Variants in PTPRG observed in about 807,000 individuals in gnomAD.
The protein encoded by PTPRG is protein tyrosine phosphatase receptor type G.
Under a neutral mutation model 165.3 loss-of-function variants are expected in PTPRG, and 102 were observed. The observed-to-expected ratio is 0.62, with a 90% CI of 0.53 to 0.73. PTPRG has a LOEUF of 0.73. Among genes scored for constraint, PTPRG ranks in the 30% least tolerant of loss-of-function variants. PTPRG has a pLI of 0.00. For missense variants in PTPRG, 1,866 were observed against 1,861.4 expected (o/e 1.00, Z -0.05); for synonymous variants, 675 against 669.5 (o/e 1.01, Z -0.13).
rs542770137 is a variant in PTPRG, at chr3:62,085,876, GC to G, written c.615+7621del. On this transcript the variant is annotated intron_variant, in intron 5 of 29. Transcript: ENST00000474889. Reference sequence around the variant, plus strand: ...TGAGGTATCCTCAGAATTGTGTCCTGCCCTCAAAGTAGTTGAGGGACAGTAA... The same window carrying G: ...TGAGGTATCCTCAGAATTGTGTCCTGCCTCAAAGTAGTTGAGGGACAGTAA... Among the ~76,000 whole-genome samples, 331 of 152,284 alleles carry G rather than the reference GC, an allele frequency of 2.2e-3. 1 individual carries two copies. The highest frequency in any genetic ancestry group is 7.5e-3 in the African/African-American group (311 of 41,562).
At chr3:61,674,108 C>T (rs988306408) in intron 1 of PTPRG, among the ~76,000 whole-genome samples, 74 of 151,830 alleles carry the variant, frequency 4.9e-4, no homozygotes, top group Admixed American at 4.9e-3. Flanking sequence ...TGCAGCAAAC[C>T]ACCATGGCAC....
chr3:61,779,430 G>C (rs376218714), intron 2 of PTPRG, among the ~76,000 whole-genome samples: 173 of 152,286 alleles, frequency 1.1e-3, no homozygotes, highest in African/African-American at 3.9e-3. Context: ...GCAGTGTTGG[G>C]AGCTGCAGGC....
intron 2 of PTPRG, among the ~76,000 whole-genome samples, chr3:61,896,071 A>G (rs888902931): frequency 6.6e-6 from 1 of 152,096 alleles, no homozygotes; most frequent in African/African-American, 2.4e-5. Flanking sequence ...TGCATTATGT[A>G]GGTGTGTGCA....
chr3:61,577,830 A>G (rs758423486), intron 1 of PTPRG, among the ~76,000 whole-genome samples: 1 of 152,176 alleles, frequency 6.6e-6, no homozygotes, highest in Admixed American at 6.5e-5. Flanking sequence ...GGCTAAGAGA[A>G]ACTCTTGTAA....
intron 2 of PTPRG, among the ~76,000 whole-genome samples, chr3:61,755,705 T>C (rs2033613020): frequency 2.0e-5 from 3 of 152,110 alleles, no homozygotes. Flanking sequence ...CTGGCAGTGA[T>C]TAGAGAACCA....
chr3:62,066,935 G>T (rs1369378762), intron 4 of PTPRG, among the ~76,000 whole-genome samples: 2 of 151,646 alleles, frequency 1.3e-5, no homozygotes, highest in African/African-American at 4.9e-5. Flanking sequence ...CTACTCAGGA[G>T]GCGGAGGCAG....
chr3:62,016,477 T>A (rs1186333126), intron 4 of PTPRG, among the ~76,000 whole-genome samples: 1 of 152,174 alleles, frequency 6.6e-6, no homozygotes, highest in Non-Finnish European at 1.5e-5. Context: ...GTATTAACTA[T>A]TAATATGAAC....
chr3:61,842,696 AAAAAAAAG>A (rs1420008768), intron 2 of PTPRG, among the ~76,000 whole-genome samples: 4 of 150,086 alleles, frequency 2.7e-5, no homozygotes, highest in African/African-American at 1.0e-4. Flanking sequence ...AAAAAAAAAA[AAAAAAAAG>A]AAAAAGAAAA....
Position 62,271,314 on chromosome 3 carries a change from CCTT to C in PTPRG, c.3010-68_3010-66del. The C allele has an allele frequency of 2.2e-6, 3 of 1,350,970 alleles. No individual in the cohort carries two copies. The highest frequency in any genetic ancestry group is 3.1e-6 in the Non-Finnish European group (3 of 972,990). The allele number at this position is 1,350,970 out of a possible 1,614,324, so 83.7% of individuals were successfully genotyped here. On this transcript the variant is annotated intron_variant, in intron 20 of 29. Coordinates refer to ENST00000474889, the MANE Select transcript of PTPRG (RefSeq NM_002841.4). This position sits in a 1 kb window ranked among gnomAD's most constrained non-coding sequence, Gnocchi z 4.1. ...GATCAGTGGTCATGTGTCCTGACAC[CCTT>C]ACATTATTTTTTTCCAGAATGTCCA...
chr3:62,243,727 C>A, intron 14 of PTPRG, 80 bp from the exon 15 acceptor site: 2 of 880,862 alleles, frequency 2.3e-6, no homozygotes, highest in South Asian at 1.8e-5. Context: ...CTGGGAAGAT[C>A]TATAAAATAA....
rs2038397924 is a variant in PTPRG at position 61,897,854 on chromosome 3, C to A, written c.191-91771C>A. ...AAATGGTATTTTTGTTCCATTTATT[C>A]CTTTTTTAGTATATAGAAATGTGAT... On this transcript the variant is annotated intron_variant, in intron 2 of 29. Transcript: ENST00000474889. 1.3e-5 allele frequency among the ~76,000 whole-genome samples: 2 copies of A among 151,998 alleles called. 1 individual carries two copies. Among genetic ancestry groups the A allele is most frequent in the South Asian group, 4.2e-4 (2 of 4,818 alleles).
Position 62,157,164 on chromosome 3 carries a change from G to A in PTPRG, c.780G>A (p.Pro260=), listed in dbSNP as rs544685091. ...ACACAGGTTCCTTGACCACACCACC[G>A]TGTAGCGAAATAGTGGAGTGGATAG... is the stretch of plus-strand genomic sequence containing the variant. The part of the protein sequence containing the change: ...YRYTGSLTTP[P]CSEIVEWIVF... The change falls in exon 7 of 30, where the codon CCG becomes CCA. Residue 260 remains proline (P), a synonymous_variant. Coordinates refer to ENST00000474889, the MANE Select transcript of PTPRG (RefSeq NM_002841.4). 52 of 1,613,954 alleles carry A rather than the reference G, an allele frequency of 3.2e-5. No individual in the cohort carries two copies. The highest frequency in any genetic ancestry group is 2.8e-4 in the Admixed American group (17 of 60,022).
chr3:62,203,646 G>A lies in PTPRG; in HGVS notation c.1851G>A (p.Glu617=). 1 of 1,560,020 alleles carries A rather than the reference G, an allele frequency of 6.4e-7. No homozygotes were observed. Among genetic ancestry groups the A allele is most frequent in the Non-Finnish European group, 8.7e-7 (1 of 1,151,460 alleles). ...EKSGVTHAAE[E]RNQTEPSPTP... is the part of the protein sequence containing the mutation. Reference sequence around the variant, plus strand: ...GTGGGGTGACCCACGCTGCCGAGGAGCGGAATCAGACGGAGCCCAGCCCCA... The same window carrying A: ...GTGGGGTGACCCACGCTGCCGAGGAACGGAATCAGACGGAGCCCAGCCCCA... The change falls in exon 12 of 30, where the codon GAG becomes GAA. Residue 617 remains glutamate, a synonymous_variant. Transcript: ENST00000474889. The surrounding 1 kb of genome is among the most constrained non-coding windows in gnomAD (Gnocchi z 6.4).
rs1265509355 is a variant in PTPRG, at chr3:62,113,027, A to G, written c.616-19575A>G. 2.6e-5 allele frequency among the ~76,000 whole-genome samples: 4 copies of G among 152,178 alleles called. No individual in the cohort carries two copies. In the East Asian group the frequency reaches 7.7e-4, roughly 29 times the overall value. On this transcript the variant is annotated intron_variant, in intron 5 of 29. Transcript: ENST00000474889. ...TATGTATCACAATTCTTGGGGCAAA[A>G]AAAATGATTCATGTCTGAGAGATGA...
intron 2 of PTPRG, among the ~76,000 whole-genome samples, chr3:61,859,232 G>A (rs1393299803): frequency 1.3e-5 from 2 of 151,976 alleles, no homozygotes; most frequent in Non-Finnish European, 2.9e-5. Flanking sequence ...CCATTCATTG[G>A]TCATTTATTA....
intron 2 of PTPRG, among the ~76,000 whole-genome samples, chr3:61,773,955 A>G (rs1190045275): frequency 6.6e-6 from 1 of 151,872 alleles, no homozygotes; most frequent in Non-Finnish European, 1.5e-5. Context: ...TTGTGTTTTT[A>G]ATAGAGATGG....
chr3:62,081,659 G>T (rs1002823410), intron 5 of PTPRG, among the ~76,000 whole-genome samples: 4 of 152,118 alleles, frequency 2.6e-5, no homozygotes, highest in African/African-American at 4.8e-5. Context: ...TGTCTTTCTT[G>T]TAAGCACACA....
At chr3:62,110,089 C>CTTTTTTTTTTTTTTTTTTTTTTTTTTT (rs371457716) in intron 5 of PTPRG, among the ~76,000 whole-genome samples, 2 of 79,962 alleles carry the variant, frequency 2.5e-5, no homozygotes, top group Admixed American at 3.3e-4. Flanking sequence ...GAAATAATGG[C>CTTTTTTTTTTTTTTTTTTTTTTTTTTT]TTTTTTTTTT....
chr3:61,895,689 AT>A (rs1482245500), intron 2 of PTPRG, among the ~76,000 whole-genome samples: 1 of 152,166 alleles, frequency 6.6e-6, no homozygotes, highest in African/African-American at 2.4e-5. Context: ...TTTAAGTTTT[AT>A]TGTGATTAGG....
Sources: gnomAD v4.1 joint callset for allele counts (sites outside exome capture counted in the v4.1 genomes callset) on GRCh38, gnomAD v4.1.1 for gene constraint, Gnocchi (gnomAD v3.1) non-coding constraint, MANE v1.5 for transcripts, NCBI Gene and HGNC (gene_info 2026-07-23, HGNC 2026-07-21) for gene names.